Variants in TMEM38A observed in about 807,000 individuals in gnomAD.
TMEM38A encodes trimeric intracellular cation channel type A.
TMEM38A carries 17 observed loss-of-function variants against 28.6 expected under a neutral mutation model. The ratio of observed to expected loss-of-function variants is 0.60; its 90% confidence interval spans 0.41 to 0.89. The LOEUF (loss-of-function observed/expected upper bound fraction) is 0.89. TMEM38A is among the 40% of genes least tolerant of loss of function. The probability of loss-of-function intolerance (pLI) is 0.00; values close to 1 mark genes in which losing one functional copy is unlikely to be tolerated. For synonymous variants in TMEM38A, 169 were observed against 166.1 expected (o/e 1.02, Z -0.14); for missense variants, 328 against 393.1 (o/e 0.83, Z 1.40).
intron 1 of TMEM38A, among the ~76,000 whole-genome samples, chr19:16,670,127 G>A (rs1295908902): frequency 3.3e-5 from 5 of 151,158 alleles, no homozygotes; most frequent in East Asian, 1.9e-4. Context: ...CTGTCACCAC[G>A]CCCAGCTGAT....
chr19:16,674,914 A>C (rs2086743726), intron 1 of TMEM38A, among the ~76,000 whole-genome samples: 1 of 152,156 alleles, frequency 6.6e-6, no homozygotes, highest in African/African-American at 2.4e-5. Context: ...GCCCCCATTC[A>C]GTGGCAGAGA....
intron 1 of TMEM38A, among the ~76,000 whole-genome samples, chr19:16,672,028 G>C (rs930830201): frequency 6.6e-6 from 1 of 152,056 alleles, no homozygotes; most frequent in African/African-American, 2.4e-5. Context: ...TAGACCCTAG[G>C]AGAGGAGCTG....
rs765334217 is a variant in TMEM38A, at chr19:16,680,624, C to A, written c.466+43C>A. ...AATGAAAAATCATCCCAGTGGAGAA[C>A]TTTTGGTTCAGTGGTACTACCAGGC... On this transcript the variant is annotated intron_variant, in intron 3 of 5. Coordinates refer to ENST00000187762, the MANE Select transcript of TMEM38A (RefSeq NM_024074.4). The A allele has an allele frequency of 1.9e-6, 3 of 1,598,076 alleles. No individual in the cohort carries two copies. In the African/African-American group the frequency reaches 4.0e-5, roughly 21 times the overall value.
At chr19:16,663,416 G>A (rs909015830) in intron 1 of TMEM38A, among the ~76,000 whole-genome samples, 1 of 152,138 alleles carries the variant, frequency 6.6e-6, no homozygotes, top group African/African-American at 2.4e-5. Context: ...AGAAGTCCTA[G>A]AATAAGCCAT....
intron 4 of TMEM38A, 37 bp from the exon 5 acceptor site, chr19:16,686,251 G>T: frequency 1.3e-6 from 2 of 1,544,710 alleles, no homozygotes; most frequent in South Asian, 1.1e-5. Flanking sequence ...CTTGAGCCAT[G>T]CAGGCACCTC....
chr19:16,686,930 G>A (rs915775195), intron 5 of TMEM38A, among the ~76,000 whole-genome samples: 2 of 152,154 alleles, frequency 1.3e-5, no homozygotes, highest in East Asian at 1.9e-4. Flanking sequence ...GCAAGCAGAT[G>A]GCTGGGATCC....
chr19:16,672,766 G>A (rs1031556419), intron 1 of TMEM38A, among the ~76,000 whole-genome samples: 1 of 151,906 alleles, frequency 6.6e-6, no homozygotes. Flanking sequence ...GTATCATTTT[G>A]CAGCCCAACC....
chr19:16,667,664 G>A (rs746480781), intron 1 of TMEM38A, among the ~76,000 whole-genome samples: 20 of 151,634 alleles, frequency 1.3e-4, no homozygotes, highest in Middle Eastern at 3.5e-3. Context: ...AGACCAGCCC[G>A]GCCAACATGG....
intron 4 of TMEM38A, among the ~76,000 whole-genome samples, chr19:16,682,904 A>G (rs1258345026): frequency 6.6e-6 from 1 of 152,164 alleles, no homozygotes; most frequent in African/African-American, 2.4e-5. Flanking sequence ...TCTGGAGCTA[A>G]GTGGACAAGG....
At position 16,680,414 on chromosome 19, in the gene TMEM38A, GC is replaced by G; in HGVS notation, c.304del (p.Leu102TrpfsTer13). 2 of 1,614,004 alleles carry G rather than the reference GC, an allele frequency of 1.2e-6. No individual in the cohort carries two copies. Among genetic ancestry groups the G allele is most frequent in the South Asian group, 1.1e-5 (1 of 91,064 alleles). On this transcript the variant is annotated frameshift_variant, in exon 3 of 6. Coordinates refer to ENST00000187762, the MANE Select transcript of TMEM38A (RefSeq NM_024074.4). LOFTEE classifies it high-confidence loss of function. ...ASAVWYLIFF[C>X]PLDLFYKCVC... Reference sequence around the variant, plus strand: ...CCCAAAAGGTACTTGATTTTCTTCTGCCCCCTGGACCTCTTCTACAAGTGTG... The same window carrying G: ...CCCAAAAGGTACTTGATTTTCTTCTGCCCCTGGACCTCTTCTACAAGTGTG...
intron 1 of TMEM38A, among the ~76,000 whole-genome samples, chr19:16,665,846 C>T (rs1184474938): frequency 1.4e-5 from 2 of 147,062 alleles, no homozygotes; most frequent in African/African-American, 5.1e-5. Flanking sequence ...TCTTGTTTTG[C>T]TGCCCAGGCT....
At chr19:16,667,110 A>G (rs768198515) in intron 1 of TMEM38A, among the ~76,000 whole-genome samples, 1 of 151,850 alleles carries the variant, frequency 6.6e-6, no homozygotes, top group African/African-American at 2.4e-5. Flanking sequence ...CTCTTCTAAA[A>G]ATACAAAAAT....
At chr19:16,670,529 G>A (rs2086722768) in intron 1 of TMEM38A, among the ~76,000 whole-genome samples, 1 of 152,128 alleles carries the variant, frequency 6.6e-6, no homozygotes, top group South Asian at 2.1e-4. Context: ...AATACCTCTT[G>A]CGTCGTTGCT....
intron 1 of TMEM38A, among the ~76,000 whole-genome samples, chr19:16,666,939 C>CCAAGAGT (rs1197107422): frequency 6.1e-5 from 8 of 131,584 alleles, no homozygotes; most frequent in East Asian, 2.3e-4. Context: ...GGCAAAAGAG[C>CCAAGAGT]GAAACTCCAT....
At chr19:16,666,774 G>A (rs554157448) in intron 1 of TMEM38A, among the ~76,000 whole-genome samples, 89 of 152,154 alleles carry the variant, frequency 5.8e-4, no homozygotes, top group Middle Eastern at 3.4e-3. Context: ...CCAACATGGT[G>A]AAACCCCGTC....
At chr19:16,687,277 A>G (rs2086805829) in intron 5 of TMEM38A, among the ~76,000 whole-genome samples, 1 of 152,128 alleles carries the variant, frequency 6.6e-6, no homozygotes. Flanking sequence ...GGTTGCAGTG[A>G]GCTAAGATCG....
Position 16,680,160 on chromosome 19 carries a change from G to A in TMEM38A, c.281+20G>A, listed in dbSNP as rs1274179844. ...TGTCTGGTAAGCCATGCTGGGCATGGGAGAGCAGAGCCGGGTGGGGGAAAC... is the reference window on the plus strand; with the variant it reads ...TGTCTGGTAAGCCATGCTGGGCATGAGAGAGCAGAGCCGGGTGGGGGAAAC... On this transcript the variant is annotated intron_variant, in intron 2 of 5. Coordinates refer to ENST00000187762, the MANE Select transcript of TMEM38A (RefSeq NM_024074.4). 1 of 1,603,038 alleles carries A rather than the reference G, an allele frequency of 6.2e-7. No individual in the cohort carries two copies. The highest frequency in any genetic ancestry group is 1.1e-5 in the South Asian group (1 of 90,944).
rs986329233 is a variant in TMEM38A, at chr19:16,679,896, G to C, written c.125-88G>C. The C allele has an allele frequency of 6.3e-6, 9 of 1,428,508 alleles. No individual in the cohort carries two copies. In the Admixed American group the frequency reaches 1.1e-4, roughly 18 times the overall value. 88.5% of individuals were successfully genotyped at this position (1,428,508 alleles called of 1,614,324 possible). A position where few individuals can be genotyped will look rare whatever the true frequency, so the allele number is the denominator to read the frequency against. On this transcript the variant is annotated intron_variant, in intron 1 of 5. Transcript: ENST00000187762. ...CTGCACAGTGTTGGGTGGGCGCTCT[G>C]GATTAGGATAGGCTGACCAGAGCAT...
At chr19:16,666,457 C>G (rs2086703605) in intron 1 of TMEM38A, among the ~76,000 whole-genome samples, 1 of 151,562 alleles carries the variant, frequency 6.6e-6, no homozygotes, top group African/African-American at 2.4e-5. Context: ...GAGACAGGGT[C>G]TTGCTCTGTC....
Sources: allele counts gnomAD v4.1 joint callset (sites outside exome capture counted in the v4.1 genomes callset), GRCh38; gene constraint gnomAD v4.1.1; transcripts MANE v1.5; gene names NCBI Gene and HGNC (gene_info 2026-07-23, HGNC 2026-07-21).